The following NR1D2 variants were observed in gnomAD, a reference collection of about 807,000 sequenced individuals.
NR1D2 encodes nuclear receptor subfamily 1 group D member 2.
In NR1D2, 25 loss-of-function variants were observed where a neutral mutation model predicts 52.2. The observed-to-expected ratio is 0.48, with a 90% CI of 0.35 to 0.67. The LOEUF (loss-of-function observed/expected upper bound fraction) is 0.67. Among genes scored for constraint, NR1D2 ranks in the 30% least tolerant of loss-of-function variants. The pLI is 0.01. For synonymous variants in NR1D2, 259 were observed against 230.1 expected (o/e 1.13, Z -1.14); for missense variants, 681 against 707.2 (o/e 0.96, Z 0.42).
rs1706008122 is a variant in NR1D2 at position 23,953,748 on chromosome 3, AT to A, written c.17-787del. Among the ~76,000 whole-genome samples, 8 of 152,334 alleles carry A rather than the reference AT, an allele frequency of 5.3e-5. No homozygotes were observed. In the South Asian group the frequency reaches 1.7e-3, roughly 32 times the overall value. On this transcript the variant is annotated intron_variant, in intron 1 of 7. Coordinates refer to ENST00000312521, the MANE Select transcript of NR1D2 (RefSeq NM_005126.5). ...ATTCTAAATGTTACATCTGTTCTGGATTAACCTGTGCTTCTAGCCAAGTGTT... is the reference window on the plus strand; with the variant it reads ...ATTCTAAATGTTACATCTGTTCTGGATAACCTGTGCTTCTAGCCAAGTGTT...
chr3:23,966,192 T>A (rs1241041486), intron 6 of NR1D2, among the ~76,000 whole-genome samples: 1 of 152,234 alleles, frequency 6.6e-6, no homozygotes, highest in Non-Finnish European at 1.5e-5. Context: ...AGTTGATGTT[T>A]GGTGGGCCAA....
intron 1 of NR1D2, among the ~76,000 whole-genome samples, chr3:23,947,120 A>G (rs1178768071): frequency 6.6e-6 from 1 of 152,226 alleles, no homozygotes. Context: ...TATTTTTAAA[A>G]TTTTATGAGT....
Position 23,979,564 on chromosome 3 carries a change from A to T in NR1D2, c.*2145A>T, listed in dbSNP as rs1341787616. 1 of 152,100 alleles carries T rather than the reference A, an allele frequency of 6.6e-6. No individual in the cohort carries two copies. Among genetic ancestry groups the T allele is most frequent in the Admixed American group, 6.5e-5 (1 of 15,278 alleles). 9.4% of individuals were successfully genotyped at this position (152,100 alleles called of 1,614,324 possible). Reference sequence around the variant, plus strand: ...TTAGGTTCAATATATACATATATACATCTCTATATAGGTATATAGATTTGC... The same window carrying T: ...TTAGGTTCAATATATACATATATACTTCTCTATATAGGTATATAGATTTGC... On this transcript the variant is annotated 3_prime_UTR_variant, in exon 8 of 8. Transcript: ENST00000312521.
At position 23,965,113 on chromosome 3, in the gene NR1D2, A is replaced by C; in HGVS notation, c.1283A>C (p.Asp428Ala). 6.2e-7 allele frequency: 1 copy of C among 1,613,850 alleles called. No homozygotes were observed. ...GCAAAGCGTATTCCTGGGTTCAGAG[A>C]TCTCTCTCAGCATGACCAGGTCAAC... The part of the protein sequence containing the change: ...EFAKRIPGFR[D>A]LSQHDQVNLL... The change falls in exon 6 of 8, where the codon GAT becomes GCT. Residue 428 changes from aspartate to alanine, a missense_variant. Around this residue, in one of 3 missense-constraint regions of NR1D2, gnomAD observed 475 missense variants for 454.5 expected, o/e 1.05. Coordinates refer to ENST00000312521, the MANE Select transcript of NR1D2 (RefSeq NM_005126.5).
In NR1D2 at chr3:23,954,594, A is replaced by C. The variant is rs781604032; in HGVS notation, c.74A>C (p.His25Pro). 8 of 1,613,940 alleles carry C rather than the reference A, an allele frequency of 5.0e-6. No individual in the cohort carries two copies. Among genetic ancestry groups the C allele is most frequent in the Non-Finnish European group, 1.7e-6 (2 of 1,179,936 alleles). Residue 25 changes from histidine to proline, a missense_variant, in exon 2 of 8, where the codon CAC (histidine) becomes CCC (proline). His to Pro is a moderately conservative substitution (Grantham distance 77). Transcript: ENST00000312521. ...SSSASSPASC[H>P]SEGSENSFQS... ...TCAGCCTCAAGCCCTGCCTCTTGTC[A>C]CAGTGAGGGTTCTGAGAATAGTTTC...
intron 5 of NR1D2, chr3:23,963,340 G>C: frequency 7.5e-7 from 1 of 1,333,542 alleles, no homozygotes; most frequent in Non-Finnish European, 9.9e-7. Context: ...GGTAATTAAA[G>C]TCGTCTTTTT....
At position 23,968,967 on chromosome 3, in the gene NR1D2, A is replaced by G. The variant is rs944630555; in HGVS notation, c.1543+944A>G. The stretch of plus-strand genomic sequence containing the variant: ...CGGCCTCTGATTATGTAGCTAAACC[A>G]TAAATTAGTAGCTCTTGAAAGAGAA... On this transcript the variant is annotated intron_variant, in intron 7 of 7. Coordinates refer to ENST00000312521, the MANE Select transcript of NR1D2 (RefSeq NM_005126.5). 2.8e-4 allele frequency among the ~76,000 whole-genome samples: 42 copies of G among 152,172 alleles called. 1 individual carries two copies. Among genetic ancestry groups the G allele is most frequent in the South Asian group, 2.1e-4 (1 of 4,824 alleles).
At position 23,960,700 on chromosome 3, in the gene NR1D2, A is replaced by C. The variant is rs923899316; in HGVS notation, c.517+885A>C. On this transcript the variant is annotated intron_variant, in intron 4 of 7. Transcript: ENST00000312521. ...TTTTCAATTCCCTGAAATTTTTTTT[A>C]TAGTGCTAAAAGTACTAATGCTATA... Among the ~76,000 whole-genome samples, 8 of 152,248 alleles carry C rather than the reference A, an allele frequency of 5.3e-5. 1 individual carries two copies. Among genetic ancestry groups the C allele is most frequent in the African/African-American group, 1.9e-4 (8 of 41,566 alleles).
At chr3:23,967,773 T>G (rs776956572) in intron 6 of NR1D2, 40 bp from the exon 7 acceptor site, 9 of 1,478,228 alleles carry the variant, frequency 6.1e-6, no homozygotes, top group Non-Finnish European at 8.4e-6. Context: ...TTATTATTGC[T>G]GTTAGACTTC....
In NR1D2 at chr3:23,967,957, C is replaced by T. The variant is rs775298376; in HGVS notation, c.1477C>T (p.Leu493=). 26 of 1,614,114 alleles carry T rather than the reference C, an allele frequency of 1.6e-5. No homozygotes were observed. The East Asian group carries it at 5.6e-4, about 35-fold the overall frequency. Residue 493 remains leucine (L), a synonymous_variant, in exon 7 of 8, where the codon CTA becomes TTA. Coordinates refer to ENST00000312521, the MANE Select transcript of NR1D2 (RefSeq NM_005126.5). ...LNSMFEFSEK[L]NALQLSDEEM... The stretch of plus-strand genomic sequence containing the variant: ...CTCTATGTTTGAATTTAGTGAGAAG[C>T]TAAATGCCCTCCAACTTAGTGATGA...
intron 6 of NR1D2, among the ~76,000 whole-genome samples, chr3:23,967,581 A>G (rs1706483002): frequency 6.6e-6 from 1 of 152,140 alleles, no homozygotes; most frequent in Admixed American, 6.6e-5. Context: ...ATGCCATTGC[A>G]CTCCAGCTCG....
intron 7 of NR1D2, 102 bp from the exon 8 acceptor site, chr3:23,977,121 C>A: frequency 1.6e-6 from 1 of 634,240 alleles, no homozygotes; most frequent in Non-Finnish European, 2.4e-6. Context: ...TAAAACCTTG[C>A]TTTCTATTCG....
At chr3:23,952,441 G>A (rs145566035) in intron 1 of NR1D2, among the ~76,000 whole-genome samples, 25 of 151,998 alleles carry the variant, frequency 1.6e-4, no homozygotes, top group Non-Finnish European at 3.5e-4. Flanking sequence ...TGGGCACGGT[G>A]GCTCACACCT....
At chr3:23,951,668 T>C (rs1705937617) in intron 1 of NR1D2, among the ~76,000 whole-genome samples, 1 of 152,246 alleles carries the variant, frequency 6.6e-6, no homozygotes, top group South Asian at 2.1e-4. Context: ...AAATCATCAA[T>C]CTTTAAAACT....
At chr3:23,955,966 A>C (rs562287250) in intron 2 of NR1D2, 71 bp from the exon 3 acceptor site, 2 of 1,061,304 alleles carry the variant, frequency 1.9e-6, no homozygotes, top group African/African-American at 1.6e-5. Flanking sequence ...ATGAAATAAA[A>C]TATCTAATTG....
At chr3:23,959,263 CAAA>C (rs5847262) in intron 3 of NR1D2, among the ~76,000 whole-genome samples, 20 of 91,630 alleles carry the variant, frequency 2.2e-4, no homozygotes, top group Non-Finnish European at 2.0e-4. Flanking sequence ...GATCCTATCT[CAAA>C]AAAAAAAAAA....
chr3:23,965,283 A>G, intron 6 of NR1D2, 121 bp downstream of exon 6: 1 of 728,976 alleles, frequency 1.4e-6, no homozygotes, highest in South Asian at 2.1e-5. Flanking sequence ...TCTGTCACCC[A>G]GGCTGGAGTG....
At chr3:23,968,839 A>G (rs971632552) in intron 7 of NR1D2, among the ~76,000 whole-genome samples, 1 of 152,136 alleles carries the variant, frequency 6.6e-6, no homozygotes, top group Admixed American at 6.5e-5. Flanking sequence ...ATTTTATTGT[A>G]TAACATTTGG....
Position 23,965,126 on chromosome 3 carries a change from T to C in NR1D2, c.1296T>C (p.His432=). ...CTGGGTTCAGAGATCTCTCTCAGCA[T>C]GACCAGGTCAACCTTTTAAAGGCTG... ...RIPGFRDLSQ[H]DQVNLLKAGT... is the part of the protein sequence containing the mutation. Residue 432 remains histidine (H), a synonymous_variant, in exon 6 of 8, where the codon CAT becomes CAC. Transcript: ENST00000312521. 1.2e-6 allele frequency: 2 copies of C among 1,612,544 alleles called. No homozygotes were observed. The highest frequency in any genetic ancestry group is 1.1e-5 in the South Asian group (1 of 90,660).
Sources: allele counts gnomAD v4.1 joint callset (sites outside exome capture counted in the v4.1 genomes callset), GRCh38; gene constraint gnomAD v4.1.1; regional missense constraint gnomAD v4.1.1; transcripts MANE v1.5; gene names NCBI Gene and HGNC (gene_info 2026-07-23, HGNC 2026-07-21).